Variants in USP4 observed in about 807,000 individuals in gnomAD.
The protein encoded by USP4 is ubiquitin carboxyl-terminal hydrolase 4.
Under a neutral mutation model 118.2 loss-of-function variants are expected in USP4, and 72 were observed. That is an observed-to-expected ratio of 0.61 (90% CI 0.50 to 0.74). The LOEUF is 0.74. USP4 is among the 30% of genes least tolerant of loss of function. The pLI, the probability that USP4 is intolerant of heterozygous loss-of-function variation, is 0.00. For missense variants in USP4, 1,037 were observed against 1,185.7 expected (o/e 0.87, Z 1.84); for synonymous variants, 415 against 440.4 (o/e 0.94, Z 0.72).
At chr3:49,317,046 A>C (rs752043574) in intron 6 of USP4, 1 of 983,850 alleles carries the variant, frequency 1.0e-6, no homozygotes. Context: ...GGCTGAGTTG[A>C]GGGGCGCACA....
At chr3:49,308,508 A>G (rs1383003519) in intron 8 of USP4, among the ~76,000 whole-genome samples, 1 of 151,648 alleles carries the variant, frequency 6.6e-6, no homozygotes, top group Admixed American at 6.6e-5. Context: ...TTTAGTGGAG[A>G]CGGGGTTTCA....
intron 8 of USP4, among the ~76,000 whole-genome samples, chr3:49,310,207 G>A (rs1303740446): frequency 6.6e-6 from 1 of 152,072 alleles, no homozygotes; most frequent in Non-Finnish European, 1.5e-5. Flanking sequence ...TTACAGGCGT[G>A]AGCCACTGCG....
intron 9 of USP4, among the ~76,000 whole-genome samples, chr3:49,304,755 TTTG>T (rs770247467): frequency 0.013 from 2,034 of 150,856 alleles, 43 homozygotes; most frequent in African/African-American, 0.043. Flanking sequence ...TCCAGCTAAT[TTTG>T]TTGTTGTTGT....
chr3:49,331,455 T>C (rs142713477), intron 2 of USP4, among the ~76,000 whole-genome samples: 2,744 of 152,018 alleles, frequency 0.018, 94 homozygotes, highest in African/African-American at 0.062. Context: ...ACCCCATCTC[T>C]ACTAAAAGTA....
intron 2 of USP4, among the ~76,000 whole-genome samples, chr3:49,333,484 C>A (rs980108236): frequency 6.6e-6 from 1 of 152,138 alleles, no homozygotes; most frequent in Non-Finnish European, 1.5e-5. Flanking sequence ...AAACTCAAAT[C>A]ATTTCTAGCT....
Position 49,280,773 on chromosome 3 carries a change from T to C in USP4, c.2615A>G (p.Asn872Ser), listed in dbSNP as rs1285952115. The C allele has an allele frequency of 1.9e-6, 3 of 1,614,102 alleles. No homozygotes were observed. The highest frequency in any genetic ancestry group is 1.7e-6 in the Non-Finnish European group (2 of 1,180,006). The change falls in exon 20 of 22, where the codon AAT becomes AGT. Residue 872 changes from asparagine (N) to serine (S), a missense_variant. Transcript: ENST00000265560. Reference sequence around the variant, plus strand: ...GCCAACCCCCATGGCTCCATAATGATTGGACACGGCAATGAGGTCGTACAC... The same window carrying C: ...GCCAACCCCCATGGCTCCATAATGACTGGACACGGCAATGAGGTCGTACAC... Reference protein sequence around the residue: ...PYVYDLIAVSNHYGAMGVGHY... With the variant: ...PYVYDLIAVSSHYGAMGVGHY...
At chr3:49,280,243 GAC>G (rs2047004241) in intron 20 of USP4, among the ~76,000 whole-genome samples, 1 of 151,908 alleles carries the variant, frequency 6.6e-6, no homozygotes, top group South Asian at 2.1e-4. Flanking sequence ...CAGCCTGGGT[GAC>G]AGAGTGAGAA....
At chr3:49,278,752 G>A (rs768763488) in intron 21 of USP4, 62 bp downstream of exon 21, 27 of 1,293,434 alleles carry the variant, frequency 2.1e-5, no homozygotes, top group Non-Finnish European at 3.0e-5. Flanking sequence ...GCCTGATAGA[G>A]GCTCTTCCCA....
Position 49,294,565 on chromosome 3 carries a change from C to T in USP4, c.1725G>A (p.Ser575=), listed in dbSNP as rs559879557. 5.6e-6 allele frequency: 9 copies of T among 1,613,966 alleles called. No individual in the cohort carries two copies. The highest frequency in any genetic ancestry group is 3.3e-4 in the Middle Eastern group (2 of 6,074). ...AGTAGACTGGAAGCGTGACACATTC[C>T]GAGCCATCCACGGAAGTGCTGCAGA... ...YEVCSTSVDG[S]ECVTLPVYFR... Residue 575 remains serine, a synonymous_variant, in exon 14 of 22, where the codon TCG becomes TCA. Coordinates refer to ENST00000265560, the MANE Select transcript of USP4 (RefSeq NM_003363.4).
At chr3:49,302,747 G>A (rs139447129) in intron 9 of USP4, among the ~76,000 whole-genome samples, 29 of 152,290 alleles carry the variant, frequency 1.9e-4, no homozygotes, top group African/African-American at 6.5e-4. Flanking sequence ...AGAGCCAGGA[G>A]GATGAACCTG....
Position 49,281,491 on chromosome 3 carries a change from T to TACACACACAC in USP4, c.2541-654_2541-645dup, listed in dbSNP as rs71077782. Among the ~76,000 whole-genome samples, 288 of 126,528 alleles carry TACACACACAC rather than the reference T, an allele frequency of 2.3e-3. 1 individual carries two copies. The highest frequency in any genetic ancestry group is 0.013 in the Middle Eastern group (3 of 236). 83.0% of individuals were successfully genotyped at this position (126,528 alleles called of 152,430 possible). On this transcript the variant is annotated intron_variant, in intron 19 of 21. Coordinates refer to ENST00000265560, the MANE Select transcript of USP4 (RefSeq NM_003363.4). ...AAAAGTATGTGTATATATATATATA[T>TACACACACAC]ACACACACACACACACACACACACA...
intron 6 of USP4, among the ~76,000 whole-genome samples, chr3:49,323,449 T>C (rs2047521890): frequency 6.6e-6 from 1 of 152,170 alleles, no homozygotes; most frequent in Non-Finnish European, 1.5e-5. Flanking sequence ...TAATCCCATC[T>C]GCAAAGTCCC....
chr3:49,317,543 T>A lies in USP4; in HGVS notation c.696-5889A>T, dbSNP rs1460611347. The A allele has an allele frequency of 8.3e-4, 9 of 10,902 alleles. No homozygotes were observed. The South Asian group carries it at 0.069, about 84-fold the overall frequency. 0.7% of individuals were successfully genotyped at this position (10,902 alleles called of 1,614,324 possible). ...TTTTGTTTTGTTTTTTGTTTGTTTG[T>A]TTTTTTTTTTTTTTTGAGACAACAG... is the stretch of plus-strand genomic sequence containing the variant. On this transcript the variant is annotated intron_variant, in intron 6 of 21. Coordinates refer to ENST00000265560, the MANE Select transcript of USP4 (RefSeq NM_003363.4).
At chr3:49,316,337 G>C (rs1309525249) in intron 6 of USP4, among the ~76,000 whole-genome samples, 1 of 152,006 alleles carries the variant, frequency 6.6e-6, no homozygotes, top group Non-Finnish European at 1.5e-5. Flanking sequence ...ACCCAGGCTG[G>C]AGTGCAGTGG....
At chr3:49,315,955 G>A (rs1293483144) in intron 6 of USP4, among the ~76,000 whole-genome samples, 3 of 152,148 alleles carry the variant, frequency 2.0e-5, no homozygotes, top group Admixed American at 6.5e-5. Context: ...TGTAATCCCA[G>A]CACTTTGGGA....
chr3:49,278,153 T>G lies in USP4; in HGVS notation c.*140A>C, dbSNP rs906550920. 413 of 943,712 alleles carry G rather than the reference T, an allele frequency of 4.4e-4. No individual in the cohort carries two copies. The highest frequency in any genetic ancestry group is 1.1e-3 in the Middle Eastern group (3 of 2,688). 58.5% of individuals were successfully genotyped at this position (943,712 alleles called of 1,614,324 possible). A position where few individuals can be genotyped will look rare whatever the true frequency, so the allele number is the denominator to read the frequency against. On this transcript the variant is annotated 3_prime_UTR_variant, in exon 22 of 22. Coordinates refer to ENST00000265560, the MANE Select transcript of USP4 (RefSeq NM_003363.4). The stretch of plus-strand genomic sequence containing the variant: ...AGGTAAACGGTCTTCTTTTTTTTTT[T>G]TTGTTTCCTTCTGCTCATAAAAGAA...
intron 7 of USP4, among the ~76,000 whole-genome samples, chr3:49,311,107 C>T (rs568902076): frequency 2.0e-5 from 3 of 152,188 alleles, no homozygotes; most frequent in South Asian, 2.1e-4. Context: ...ACTTCCTCAC[C>T]CCATTCACCC....
chr3:49,310,540 A>T (rs895000373), intron 8 of USP4, 80 bp downstream of exon 8: 25 of 1,203,986 alleles, frequency 2.1e-5, no homozygotes, highest in Middle Eastern at 4.0e-4. Context: ...CTGGGAGAGG[A>T]TCCACCCAGT....
intron 6 of USP4, chr3:49,312,224 C>T (rs1328159549): frequency 8.0e-6 from 2 of 249,064 alleles, no homozygotes; most frequent in East Asian, 1.2e-4. Context: ...TTTGGGAGGC[C>T]GAGGCTGGCG....
Sources: allele counts gnomAD v4.1 joint callset (sites outside exome capture counted in the v4.1 genomes callset), GRCh38; gene constraint gnomAD v4.1.1; transcripts MANE v1.5; gene names NCBI Gene and HGNC (gene_info 2026-07-23, HGNC 2026-07-21).